Variants in ADAD1 observed in about 807,000 individuals in gnomAD.
ADAD1 encodes adenosine deaminase domain containing 1.
Under a neutral mutation model 66.8 loss-of-function variants are expected in ADAD1, and 46 were observed. The ratio of observed to expected loss-of-function variants is 0.69; its 90% CI spans 0.54 to 0.88. The LOEUF (loss-of-function observed/expected upper bound fraction) is 0.88. ADAD1 is among the 40% of genes least tolerant of loss of function. The pLI is 0.00. For missense variants in ADAD1, 617 were observed against 681.8 expected (o/e 0.91, Z 1.06); for synonymous variants, 248 against 229.4 (o/e 1.08, Z -0.73).
At chr4:122,395,411 G>T (rs952249769) in intron 6 of ADAD1, among the ~76,000 whole-genome samples, 5 of 152,086 alleles carry the variant, frequency 3.3e-5, no homozygotes, top group Non-Finnish European at 5.9e-5. Context: ...GGCCGGGCGC[G>T]GTGGCTCACG....
At chr4:122,386,912 A>G (rs547595770) in intron 5 of ADAD1, among the ~76,000 whole-genome samples, 6 of 152,342 alleles carry the variant, frequency 3.9e-5, no homozygotes, top group Non-Finnish European at 7.3e-5. Flanking sequence ...TTTTGGTGCC[A>G]GTACCATGCT....
chr4:122,421,306 G>A lies in ADAD1; in HGVS notation c.1533G>A (p.Lys511=). Residue 511 remains lysine, a synonymous_variant, in exon 12 of 13, where the codon AAG becomes AAA. Coordinates refer to ENST00000296513, the MANE Select transcript of ADAD1 (RefSeq NM_139243.4). ...TGTCAATGGCAAGTCGGCTTTGTAA[G>A]GCTGCAATGTTAAGTCGGTTTAACC... is the stretch of plus-strand genomic sequence containing the variant. The part of the protein sequence containing the change: ...SGMSMASRLC[K]AAMLSRFNLL... 6.2e-7 allele frequency: 1 copy of A among 1,605,832 alleles called. No homozygotes were observed. The highest frequency in any genetic ancestry group is 8.5e-7 in the Non-Finnish European group (1 of 1,174,426).
rs145150572 is a variant in ADAD1 at position 122,387,571 on chromosome 4, CTA to C, written c.529+3607_529+3608del. 6.3e-3 allele frequency among the ~76,000 whole-genome samples: 959 copies of C among 152,086 alleles called. 10 individuals are homozygous for C. The highest frequency in any genetic ancestry group is 0.044 in the East Asian group (227 of 5,168). On this transcript the variant is annotated intron_variant, in intron 5 of 12. Transcript: ENST00000296513. The stretch of plus-strand genomic sequence containing the variant: ...ATTGCCCTGGCCAGAACTTCCAAAA[CTA>C]TGTTGAATAGGAGTTCAACATACAA...
At chr4:122,400,839 C>A (rs1795939762) in intron 7 of ADAD1, among the ~76,000 whole-genome samples, 1 of 151,428 alleles carries the variant, frequency 6.6e-6, no homozygotes, top group Non-Finnish European at 1.5e-5. Flanking sequence ...TGTGTCATCA[C>A]TTATCTCCTG....
intron 12 of ADAD1, among the ~76,000 whole-genome samples, chr4:122,426,760 A>G (rs1356855967): frequency 2.0e-5 from 3 of 152,252 alleles, no homozygotes; most frequent in African/African-American, 7.2e-5. Flanking sequence ...GACATACAAA[A>G]TGCGTTTGAC....
intron 11 of ADAD1, among the ~76,000 whole-genome samples, chr4:122,415,905 C>T (rs536964746): frequency 2.0e-5 from 3 of 152,184 alleles, no homozygotes; most frequent in East Asian, 3.9e-4. Flanking sequence ...GGCTCCATAA[C>T]GTATGTTTCT....
At chr4:122,380,953 G>A (rs748960348) in intron 3 of ADAD1, 39 bp from the exon 4 acceptor site, 30 of 1,543,668 alleles carry the variant, frequency 1.9e-5, no homozygotes, top group Non-Finnish European at 2.6e-5. Context: ...TTGTTTGTTT[G>A]TTTTAAACCA....
At position 122,415,522 on chromosome 4, in the gene ADAD1, A is replaced by C. The variant is rs762203539; in HGVS notation, c.1393A>C (p.Met465Leu). The change falls in exon 11 of 13, where the codon ATG (methionine) becomes CTG (leucine). Residue 465 changes from methionine to leucine, a missense_variant. Physicochemically the swap from Met to Leu is conservative, Grantham distance 15 (BLOSUM62 2). Transcript: ENST00000296513. Reference sequence around the variant, plus strand: ...AGTACCCTCTGCATATCCCCTTCAAATGAACTTGGAATATAAATTTCTGAG... The same window carrying C: ...AGTACCCTCTGCATATCCCCTTCAACTGAACTTGGAATATAAATTTCTGAG... ...SLVPSAYPLQ[M>L]NLEYKFLSLN... The C allele has an allele frequency of 4.3e-6, 7 of 1,613,958 alleles. No homozygotes were observed. The highest frequency in any genetic ancestry group is 5.9e-6 in the Non-Finnish European group (7 of 1,179,878).
intron 6 of ADAD1, among the ~76,000 whole-genome samples, chr4:122,395,523 A>C (rs1319907163): frequency 6.6e-6 from 1 of 152,058 alleles, no homozygotes; most frequent in Admixed American, 6.5e-5. Flanking sequence ...TCTACTAAAA[A>C]TACAAAAATT....
chr4:122,425,035 C>T (rs1269979805), intron 12 of ADAD1, among the ~76,000 whole-genome samples: 1 of 151,848 alleles, frequency 6.6e-6, no homozygotes, highest in African/African-American at 2.4e-5. Context: ...GTGGGTGTAA[C>T]AACAAAGCCG....
chr4:122,427,652 A>C (rs1797310775), intron 12 of ADAD1, among the ~76,000 whole-genome samples: 2 of 145,628 alleles, frequency 1.4e-5, no homozygotes, highest in Non-Finnish European at 3.0e-5. Context: ...CTCCTGCCTC[A>C]GCCTCCCGAG....
chr4:122,405,814 G>C (rs1236121943), intron 7 of ADAD1, among the ~76,000 whole-genome samples: 1 of 152,092 alleles, frequency 6.6e-6, no homozygotes, highest in Non-Finnish European at 1.5e-5. Context: ...TTCCACATAT[G>C]AGTGAGATTA....
intron 5 of ADAD1, among the ~76,000 whole-genome samples, chr4:122,387,290 C>CTT (rs1236561657): frequency 6.6e-6 from 1 of 152,052 alleles, no homozygotes; most frequent in African/African-American, 2.4e-5. Flanking sequence ...ATTTTATTCT[C>CTT]TTTGTAGTGA....
chr4:122,383,553 A>G (rs1187834757), intron 4 of ADAD1, among the ~76,000 whole-genome samples: 1 of 152,172 alleles, frequency 6.6e-6, no homozygotes, highest in East Asian at 1.9e-4. Flanking sequence ...TCAGTACTCT[A>G]CTACTGGCCC....
intron 5 of ADAD1, among the ~76,000 whole-genome samples, chr4:122,393,291 T>C (rs1335952868): frequency 6.6e-6 from 1 of 152,126 alleles, no homozygotes; most frequent in Non-Finnish European, 1.5e-5. Flanking sequence ...TAGAAAGTTG[T>C]TTATATGTAT....
At chr4:122,395,340 C>T (rs79858761) in intron 6 of ADAD1, among the ~76,000 whole-genome samples, 12,953 of 152,042 alleles carry the variant, frequency 0.085, 1,876 homozygotes, top group African/African-American at 0.3. Flanking sequence ...TGTAAGCCAC[C>T]GCGCCCAGCC....
chr4:122,425,804 T>C (rs1797207534), intron 12 of ADAD1, among the ~76,000 whole-genome samples: 1 of 151,928 alleles, frequency 6.6e-6, no homozygotes, highest in Non-Finnish European at 1.5e-5. Context: ...TCGGTATTTC[T>C]AGGGGGTCCT....
intron 4 of ADAD1, among the ~76,000 whole-genome samples, chr4:122,381,810 C>T (rs1794909022): frequency 6.6e-6 from 1 of 152,164 alleles, no homozygotes; most frequent in Non-Finnish European, 1.5e-5. Flanking sequence ...GAGGCATTGA[C>T]AGCTTAAAAT....
intron 7 of ADAD1, among the ~76,000 whole-genome samples, chr4:122,396,735 C>G (rs1018076804): frequency 2.0e-5 from 3 of 152,138 alleles, no homozygotes; most frequent in Non-Finnish European, 4.4e-5. Flanking sequence ...TAATGTGATT[C>G]TAACTATGTT....
Sources: allele counts gnomAD v4.1 joint callset (sites outside exome capture counted in the v4.1 genomes callset), GRCh38; gene constraint gnomAD v4.1.1; transcripts MANE v1.5; gene names NCBI Gene and HGNC (gene_info 2026-07-23, HGNC 2026-07-21).